The following ADCY10 variants were observed in gnomAD, a reference collection of about 807,000 sequenced individuals.
ADCY10 encodes the protein adenylate cyclase 10.
In ADCY10, 156 loss-of-function variants were observed where a neutral mutation model predicts 183.3. The observed-to-expected ratio is 0.85, with a 90% CI of 0.75 to 0.97. ADCY10 has a LOEUF of 0.97. Among genes scored for constraint, ADCY10 ranks in the 50% least tolerant of loss-of-function variants. ADCY10 has a pLI of 0.00. For missense variants in ADCY10, 1,745 were observed against 1,934.3 expected, an observed-to-expected ratio of 0.90 and a Z score of 1.84; for synonymous variants, 645 against 670.0, an observed-to-expected ratio of 0.96 and a Z score of 0.58.
intron 1 of ADCY10, among the ~76,000 whole-genome samples, chr1:167,910,467 T>TC (rs1359064928): frequency 6.6e-6 from 1 of 152,098 alleles, no homozygotes; most frequent in Non-Finnish European, 1.5e-5. Context: ...GTGGGGTAAG[T>TC]GGTGGACGTG....
chr1:167,847,291 C>G (rs1414749721), intron 19 of ADCY10, among the ~76,000 whole-genome samples: 1 of 152,132 alleles, frequency 6.6e-6, no homozygotes, highest in Non-Finnish European at 1.5e-5. Flanking sequence ...CTTGAGATGT[C>G]CCTAGGCCAC....
intron 25 of ADCY10, among the ~76,000 whole-genome samples, 170 bp from the exon 26 acceptor site, chr1:167,829,593 C>T (rs983149375): frequency 2.6e-5 from 4 of 152,178 alleles, no homozygotes; most frequent in South Asian, 2.1e-4. Context: ...TTATGGAGCA[C>T]ATTTTCTTCA....
chr1:167,857,596 T>G (rs1478329289), intron 16 of ADCY10, among the ~76,000 whole-genome samples: 1 of 152,326 alleles, frequency 6.6e-6, no homozygotes, highest in East Asian at 1.9e-4. Context: ...TAATCTAAAA[T>G]GAGGATTGGG....
rs1483324671 is a variant in ADCY10 at position 167,846,166 on chromosome 1, C to T, written c.2535G>A (p.Leu845=). Residue 845 remains leucine (L), a synonymous_variant, in exon 20 of 33, where the codon TTG becomes TTA. Transcript: ENST00000367851. ...TATTCCAACAGGGGAGAATCTCAAA[C>T]AACAACTCAGTGGTGAAGGTCAGGC... is the stretch of plus-strand genomic sequence containing the variant. ...IIGLTFTTEL[L]FEILPCWNMK... 5 of 1,613,974 alleles carry T rather than the reference C, an allele frequency of 3.1e-6. No homozygotes were observed. In the Admixed American group the frequency reaches 5.0e-5, roughly 16 times the overall value.
At chr1:167,820,021 T>C (rs940821378) in intron 30 of ADCY10, 28 of 1,567,268 alleles carry the variant, frequency 1.8e-5, no homozygotes, top group Non-Finnish European at 2.5e-5. Context: ...TCTTCTTTTT[T>C]CCTATGACTC....
chr1:167,912,544 T>C (rs1295938326), intron 1 of ADCY10, among the ~76,000 whole-genome samples: 1 of 152,240 alleles, frequency 6.6e-6, no homozygotes, highest in East Asian at 1.9e-4. Flanking sequence ...CTGAACCCTA[T>C]GCAAATCAGA....
chr1:167,848,638 TG>T, intron 18 of ADCY10, 149 bp from the exon 19 acceptor site: 1 of 864,018 alleles, frequency 1.2e-6, no homozygotes, highest in Non-Finnish European at 1.8e-6. Context: ...ACCTTTTTTT[TG>T]TTTTGTTTTG....
chr1:167,823,806 C>T (rs547899270), intron 28 of ADCY10, among the ~76,000 whole-genome samples: 24 of 152,302 alleles, frequency 1.6e-4, no homozygotes, highest in African/African-American at 5.8e-4. Flanking sequence ...CCTGGGTCCT[C>T]TATATCAGGG....
Position 167,883,457 on chromosome 1 carries a change from T to C in ADCY10, c.1000A>G (p.Lys334Glu), listed in dbSNP as rs773518859. ...VLKIFQGQIN[K>E]VFMFDKGCSF... ...CTTACCTTGTCAAACATGAAGACTT[T>C]ATTGATTTGGCCTTGGAAGATCTTC... The change falls in exon 9 of 33, where the codon AAA becomes GAA. Residue 334 changes from lysine to glutamate, a missense_variant. Coordinates refer to ENST00000367851, the MANE Select transcript of ADCY10 (RefSeq NM_018417.6). The C allele has an allele frequency of 8.1e-6, 13 of 1,614,240 alleles. No individual in the cohort carries two copies. The highest frequency in any genetic ancestry group is 1.1e-5 in the Non-Finnish European group (13 of 1,180,040).
chr1:167,880,274 C>A, intron 10 of ADCY10, 83 bp from the exon 11 acceptor site: 1 of 1,290,838 alleles, frequency 7.7e-7, no homozygotes, highest in Non-Finnish European at 1.1e-6. Flanking sequence ...GAAATAATGT[C>A]TGGGTTGGGA....
At chr1:167,888,875 C>CAAAAAAAAAA (rs748603972) in intron 8 of ADCY10, among the ~76,000 whole-genome samples, 1 of 94,178 alleles carries the variant, frequency 1.1e-5, no homozygotes, top group Admixed American at 1.2e-4. Flanking sequence ...GACTCCGTCT[C>CAAAAAAAAAA]AAAAAAAAAA....
At chr1:167,889,199 T>C (rs901738022) in intron 8 of ADCY10, among the ~76,000 whole-genome samples, 3 of 152,226 alleles carry the variant, frequency 2.0e-5, no homozygotes, top group African/African-American at 7.2e-5. Flanking sequence ...ATTATGATAC[T>C]AGTGGTCGGT....
intron 31 of ADCY10, among the ~76,000 whole-genome samples, chr1:167,817,058 G>A (rs1662575216): frequency 6.6e-6 from 1 of 152,098 alleles, no homozygotes; most frequent in South Asian, 2.1e-4. Context: ...GCCAAACTGT[G>A]AGTTAAGAAG....
chr1:167,824,645 C>T lies in ADCY10; in HGVS notation c.3955+6G>A, dbSNP rs762301326. 6.2e-7 allele frequency: 1 copy of T among 1,614,178 alleles called. No homozygotes were observed. Among genetic ancestry groups the T allele is most frequent in the Non-Finnish European group, 8.5e-7 (1 of 1,180,044 alleles). On this transcript the variant is annotated splice_donor_region_variant and intron_variant, in intron 27 of 32. Transcript: ENST00000367851. Reference sequence around the variant, plus strand: ...TCATGTCCCATCTTGCCCAGCCAGCCCTTACCTAACTCAATGGCCAAATCC... The same window carrying T: ...TCATGTCCCATCTTGCCCAGCCAGCTCTTACCTAACTCAATGGCCAAATCC...
intron 12 of ADCY10, 116 bp from the exon 13 acceptor site, chr1:167,875,302 A>G (rs1667373754): frequency 1.9e-6 from 2 of 1,050,850 alleles, no homozygotes; most frequent in Non-Finnish European, 2.9e-6. Flanking sequence ...ACAAGAGTCT[A>G]TCCCCTGACT....
At chr1:167,826,357 T>C (rs144625496) in intron 26 of ADCY10, among the ~76,000 whole-genome samples, 1 of 152,238 alleles carries the variant, frequency 6.6e-6, no homozygotes, top group Non-Finnish European at 1.5e-5. Context: ...TCCTTGTTTA[T>C]GCGGCTTTTC....
At position 167,824,461 on chromosome 1, in the gene ADCY10, C is replaced by T; in HGVS notation, c.4052+15G>A. On this transcript the variant is annotated intron_variant, in intron 28 of 32. Transcript: ENST00000367851. ...CTCCTCCCCCTAATTTTGGAAAATG[C>T]TTTAAGATAAATACCTGCTGTTCAG... is the stretch of plus-strand genomic sequence containing the variant. 1 of 1,612,356 alleles carries T rather than the reference C, an allele frequency of 6.2e-7. No homozygotes were observed. The highest frequency in any genetic ancestry group is 8.5e-7 in the Non-Finnish European group (1 of 1,178,638).
intron 30 of ADCY10, chr1:167,819,901 G>T (rs1662779003): frequency 2.1e-6 from 2 of 944,244 alleles, no homozygotes; most frequent in South Asian, 1.3e-5. Flanking sequence ...AGCCAAATCG[G>T]ATCAACAGTA....
At chr1:167,827,446 A>T (rs568043522) in intron 26 of ADCY10, among the ~76,000 whole-genome samples, 377 of 150,452 alleles carry the variant, frequency 2.5e-3, no homozygotes, top group South Asian at 5.7e-3. Flanking sequence ...GATTACAGGC[A>T]TAAGCCACCA....
Sources: allele counts gnomAD v4.1 joint callset (sites outside exome capture counted in the v4.1 genomes callset), GRCh38; gene constraint gnomAD v4.1.1; transcripts MANE v1.5; gene names NCBI Gene and HGNC (gene_info 2026-07-23, HGNC 2026-07-21).